The following PGAP6 variants were observed in gnomAD, a reference collection of about 807,000 sequenced individuals.
PGAP6 encodes the protein post-GPI attachment to proteins factor 6.
PGAP6 carries 62 observed loss-of-function variants against 68.4 expected under a neutral mutation model. The observed-to-expected ratio is 0.91, with a 90% CI of 0.74 to 1.12. The LOEUF (loss-of-function observed/expected upper bound fraction) is 1.12. PGAP6 is among the 50% of genes most tolerant of loss of function. The pLI is 0.00. For missense variants in PGAP6, 1,188 were observed against 1,068.5 expected (o/e 1.11, Z -1.56); for synonymous variants, 575 against 474.0 (o/e 1.21, Z -2.77).
chr16:377,416 C>A lies in PGAP6; in HGVS notation c.469G>T (p.Ala157Ser), dbSNP rs781154521. 8 of 1,606,712 alleles carry A rather than the reference C, an allele frequency of 5.0e-6. No homozygotes were observed. Among genetic ancestry groups the A allele is most frequent in the Non-Finnish European group, 6.8e-6 (8 of 1,176,590 alleles). ...TTCTGGGATGAGGGGGGCAGGTGGG[C>A]GGCCACGAACCAGTCCCCGGGGGCC... ...HPAPGDWFVA[A>S]HLPPSSQKIE... The change falls in exon 3 of 13, where the codon GCC (alanine) becomes TCC (serine). Residue 157 changes from alanine (A) to serine (S), a missense_variant. Ala to Ser is a moderately conservative substitution (Grantham distance 99). Coordinates refer to ENST00000431232, the MANE Select transcript of PGAP6 (RefSeq NM_021259.3).
rs944289370 is a variant in PGAP6, at chr16:373,900, G to C, written c.1902+105C>G. On this transcript the variant is annotated intron_variant, in intron 11 of 12. Coordinates refer to ENST00000431232, the MANE Select transcript of PGAP6 (RefSeq NM_021259.3). Reference sequence around the variant, plus strand: ...CCGAGATGTGAGGTTTCCAGGGGCCGTGCCCAACGCCAGGTCCGGCCTCTC... The same window carrying C: ...CCGAGATGTGAGGTTTCCAGGGGCCCTGCCCAACGCCAGGTCCGGCCTCTC... 5 of 1,373,928 alleles carry C rather than the reference G, an allele frequency of 3.6e-6. No homozygotes were observed. In the Admixed American group the frequency reaches 8.1e-5, roughly 22 times the overall value. 85.1% of individuals were successfully genotyped at this position (1,373,928 alleles called of 1,614,324 possible).
Position 376,418 on chromosome 16 carries a change from C to A in PGAP6, c.942G>T (p.Leu314=), listed in dbSNP as rs148104578. 1.3e-5 allele frequency: 20 copies of A among 1,594,054 alleles called. No individual in the cohort carries two copies. In the African/African-American group the frequency reaches 2.7e-4, roughly 21 times the overall value. Residue 314 remains leucine, a synonymous_variant, in exon 6 of 13, where the codon CTG becomes CTT. Coordinates refer to ENST00000431232, the MANE Select transcript of PGAP6 (RefSeq NM_021259.3). ...RPRSVTIQPL[L]QSSQNQSFNA... is the part of the protein sequence containing the mutation. ...TGAAGCTCTGGTTTTGGCTGCTCTGCAGAAGGGGCTGGATGGTCACGCTCC... is the reference window on the plus strand; with the variant it reads ...TGAAGCTCTGGTTTTGGCTGCTCTGAAGAAGGGGCTGGATGGTCACGCTCC...
intron 1 of PGAP6, among the ~76,000 whole-genome samples, chr16:378,327 C>T (rs199677207): frequency 0.062 from 4,554 of 73,948 alleles, 99 homozygotes; most frequent in Non-Finnish European, 0.083. Flanking sequence ...CTGCCATCGC[C>T]ACCCGCACTG....
intron 11 of PGAP6, among the ~76,000 whole-genome samples, chr16:373,599 G>A (rs1370607312): frequency 2.0e-5 from 3 of 152,248 alleles, no homozygotes; most frequent in Non-Finnish European, 4.4e-5. Flanking sequence ...GTGCAGTGCT[G>A]TGACCTCGGC....
intron 6 of PGAP6, 135 bp downstream of exon 6, chr16:376,001 G>A: frequency 1.1e-6 from 1 of 884,296 alleles, no homozygotes; most frequent in South Asian, 1.8e-5. Flanking sequence ...CCCAACATGG[G>A]CCCCTGTCTT....
chr16:373,741 G>A lies in PGAP6; in HGVS notation c.1902+264C>T, dbSNP rs191930425. On this transcript the variant is annotated intron_variant, in intron 11 of 12. Transcript: ENST00000431232. ...TTTTTGTACAGCCCAGGCTGCTCTT[G>A]AACCCCTGGCCTCATGGGATCCTCC... 1.2e-4 allele frequency among the ~76,000 whole-genome samples: 18 copies of A among 152,280 alleles called. No individual in the cohort carries two copies. In the East Asian group the frequency reaches 3.5e-3, roughly 29 times the overall value.
In PGAP6 at chr16:381,838, C is replaced by A; in HGVS notation, c.-17G>T. The A allele has an allele frequency of 9.9e-7, 1 of 1,011,412 alleles. No homozygotes were observed. The highest frequency in any genetic ancestry group is 1.2e-6 in the Non-Finnish European group (1 of 848,506). The allele number at this position is 1,011,412 out of a possible 1,614,324, so 62.7% of individuals were successfully genotyped here. Reference sequence around the variant, plus strand: ...CCGGCCCATGGCTCCGCGCTCGGCCCGGCGCTACCCGGCCCGCGTCCCGCG... The same window carrying A: ...CCGGCCCATGGCTCCGCGCTCGGCCAGGCGCTACCCGGCCCGCGTCCCGCG... On this transcript the variant is annotated 5_prime_UTR_variant, in exon 1 of 13. Coordinates refer to ENST00000431232, the MANE Select transcript of PGAP6 (RefSeq NM_021259.3).
rs372612685 is a variant in PGAP6, at chr16:377,026, C to T, written c.635+11G>A. 1.5e-4 allele frequency: 248 copies of T among 1,612,232 alleles called. No homozygotes were observed. Among genetic ancestry groups the T allele is most frequent in the Non-Finnish European group, 1.9e-4 (230 of 1,179,704 alleles). On this transcript the variant is annotated intron_variant, in intron 4 of 12. Transcript: ENST00000431232. ...GGGCAGAGCCGGGCTGCCCCCCAGG[C>T]CCCCGCTCACTTGAGGTAGCTGGGA...
upstream of PGAP6, chr16:382,062 CGGGGGGA>C: frequency 2.3e-6 from 1 of 436,704 alleles, no homozygotes; most frequent in Non-Finnish European, 3.3e-6. Context: ...GCGCGGACGC[CGGGGGGA>C]GGGGTCACGT....
At position 376,281 on chromosome 16, in the gene PGAP6, T is replaced by A; in HGVS notation, c.1079A>T (p.Asp360Val). 1 of 1,612,502 alleles carries A rather than the reference T, an allele frequency of 6.2e-7. No individual in the cohort carries two copies. Among genetic ancestry groups the A allele is most frequent in the Admixed American group, 1.7e-5 (1 of 60,004 alleles). ...GAAGTGCACCGACACCACGTCCATG[T>A]CCTCCCGCGTGACTGGGTAGTTTGT... Reference protein sequence around the residue: ...CLTNYPVTREDMDVVSVHFQP... With the variant: ...CLTNYPVTREVMDVVSVHFQP... The change falls in exon 6 of 13, where the codon GAC becomes GTC. Residue 360 changes from aspartate to valine, a missense_variant. Physicochemically the swap from Asp to Val is radical, Grantham distance 152. Transcript: ENST00000431232.
rs1217774260 is a variant in PGAP6, at chr16:378,204, CCT to C, written c.122-358_122-357del. Among the ~76,000 whole-genome samples, 3 of 88,674 alleles carry C rather than the reference CCT, an allele frequency of 3.4e-5. No individual in the cohort carries two copies. In the East Asian group the frequency reaches 7.3e-4, roughly 22 times the overall value. 58.2% of individuals were successfully genotyped at this position (88,674 alleles called of 152,430 possible). A position where few individuals can be genotyped will look rare whatever the true frequency, so the allele number is the denominator to read the frequency against. ...TCCCCACCCGCACTGCCATCGCCAC[CCT>C]GACTGCCATCGCCACCCTGACTGCC... On this transcript the variant is annotated intron_variant, in intron 1 of 12. Transcript: ENST00000431232.
At chr16:386,187 G>A (rs992064934), upstream of PGAP6, among the ~76,000 whole-genome samples, 3 of 151,790 alleles carry the variant, frequency 2.0e-5, no homozygotes, top group African/African-American at 4.8e-5. Context: ...TCGCCCAGCA[G>A]CAATAAGCAT....
intron 6 of PGAP6, 107 bp downstream of exon 6, chr16:376,029 G>A (rs60682083): frequency 0.022 from 26,040 of 1,182,706 alleles, 730 homozygotes; most frequent in African/African-American, 0.11. Flanking sequence ...GCCTGCTGGT[G>A]TCACTGTGCC....
In PGAP6 at chr16:376,175, G is replaced by A. The variant is rs1234424345; in HGVS notation, c.1185C>T (p.Asp395=). 3 of 1,611,372 alleles carry A rather than the reference G, an allele frequency of 1.9e-6. No individual in the cohort carries two copies. Among genetic ancestry groups the A allele is most frequent in the African/African-American group, 1.3e-5 (1 of 74,930 alleles). Residue 395 remains aspartate, a synonymous_variant, in exon 6 of 13, where the codon GAC becomes GAT. Coordinates refer to ENST00000431232, the MANE Select transcript of PGAP6 (RefSeq NM_021259.3). ...VMRLRLNTGM[D]SGGSLTISLR... ...GGGAGATGGTGAGGGAACCCCCGCT[G>A]TCCATGCCGGTGTTCAGGCGCAGCC...
intron 6 of PGAP6, among the ~76,000 whole-genome samples, chr16:375,707 T>C (rs1298924574): frequency 1.3e-5 from 2 of 151,992 alleles, no homozygotes; most frequent in Non-Finnish European, 2.9e-5. Context: ...AATTTTTGTA[T>C]TTTCAGTAGA....
At position 372,767 on chromosome 16, in the gene PGAP6, G is replaced by A. The variant is rs772883753; in HGVS notation, c.1903-40C>T. The A allele has an allele frequency of 6.7e-6, 10 of 1,492,414 alleles. No homozygotes were observed. The South Asian group carries it at 7.0e-5, about 10-fold the overall frequency. 92.4% of individuals were successfully genotyped at this position (1,492,414 alleles called of 1,614,324 possible). A position where few individuals can be genotyped will look rare whatever the true frequency, so the allele number is the denominator to read the frequency against. On this transcript the variant is annotated intron_variant, in intron 11 of 12. Transcript: ENST00000431232. ...GGGATGACTGCAGGGACGTCTCTGA[G>A]GGCTCAAGGCCCAGCAGGAGCACGC...
chr16:374,376 CCGTG>C lies in PGAP6; in HGVS notation c.1596_1599del (p.Cys532TrpfsTer100), dbSNP rs1167130570. 6.3e-7 allele frequency: 1 copy of C among 1,584,014 alleles called. No homozygotes were observed. Among genetic ancestry groups the C allele is most frequent in the Non-Finnish European group, 8.5e-7 (1 of 1,169,854 alleles). ...GCCACCGTCTGGGCTGTGCTGTTGT[CCGTG>C]CAGCTCCACCCACGCCAGCCTGCGG... On this transcript the variant is annotated frameshift_variant, in exon 10 of 13. Coordinates refer to ENST00000431232, the MANE Select transcript of PGAP6 (RefSeq NM_021259.3). LOFTEE classifies it high-confidence loss of function.
In PGAP6 at chr16:377,806, C is replaced by A. The variant is rs866803966; in HGVS notation, c.164G>T (p.Arg55Met). 6.3e-7 allele frequency: 1 copy of A among 1,575,368 alleles called. No individual in the cohort carries two copies. Among genetic ancestry groups the A allele is most frequent in the Admixed American group, 1.8e-5 (1 of 54,064 alleles). ...GCCGTACCAGCTGTAGAAGGACAGC[C>A]TCTGCGGGGCCTGCGAGAAGTGCTC... Reference protein sequence around the residue: ...VSEHFSQAPQRLSFYSWYGSA... With the variant: ...VSEHFSQAPQMLSFYSWYGSA... The change falls in exon 2 of 13, where the codon AGG (arginine) becomes ATG (methionine). Residue 55 changes from arginine (R) to methionine (M), a missense_variant. Physicochemically the swap from Arg to Met is moderately conservative, Grantham distance 91. Transcript: ENST00000431232.
Position 376,576 on chromosome 16 carries a change from G to T in PGAP6, c.872C>A (p.Thr291Lys). 6.4e-7 allele frequency: 1 copy of T among 1,568,778 alleles called. No homozygotes were observed. Among genetic ancestry groups the T allele is most frequent in the South Asian group, 1.2e-5 (1 of 83,044 alleles). Residue 291 changes from threonine to lysine, a missense_variant, in exon 5 of 13, where the codon ACA (threonine) becomes AAA (lysine). Coordinates refer to ENST00000431232, the MANE Select transcript of PGAP6 (RefSeq NM_021259.3). ...GGCAGCTACAGCACTGAAAGCCACT[G>T]TCCCGAGGGGCCCCACCAGGCTCTC... is the stretch of plus-strand genomic sequence containing the variant. ...TAESLVGPLG[T>K]VAFSAVAALT...
Sources: gnomAD v4.1 joint callset for allele counts (sites outside exome capture counted in the v4.1 genomes callset) on GRCh38, gnomAD v4.1.1 for gene constraint, MANE v1.5 for transcripts, NCBI Gene and HGNC (gene_info 2026-07-23, HGNC 2026-07-21) for gene names.